The following HS3ST4 variants were observed in gnomAD, a reference collection of about 807,000 sequenced individuals.
The protein encoded by HS3ST4 is heparan sulfate-glucosamine 3-sulfotransferase 4.
HS3ST4 carries 17 observed loss-of-function variants against 29.2 expected under a neutral mutation model. The ratio of observed to expected loss-of-function variants is 0.58; its 90% CI spans 0.40 to 0.87. The LOEUF is 0.87. Among genes scored for constraint, HS3ST4 ranks in the 40% least tolerant of loss-of-function variants. The pLI is 0.00. For synonymous variants in HS3ST4, 314 were observed against 285.7 expected (o/e 1.10, Z -1.00); for missense variants, 627 against 634.5 (o/e 0.99, Z 0.13).
chr16:25,693,597 G>C (rs1966273012), intron 1 of HS3ST4, among the ~76,000 whole-genome samples: 1 of 152,174 alleles, frequency 6.6e-6, no homozygotes, highest in Non-Finnish European at 1.5e-5. Context: ...ACCCTCAAAC[G>C]CATTTGCGTG....
chr16:25,911,496 G>GTTT (rs542274531), intron 1 of HS3ST4, among the ~76,000 whole-genome samples: 5 of 82,000 alleles, frequency 6.1e-5, no homozygotes, highest in African/African-American at 1.4e-4. Flanking sequence ...CCGTTGTGTG[G>GTTT]TTTTTTTTTT....
intron 1 of HS3ST4, among the ~76,000 whole-genome samples, chr16:25,948,911 C>A (rs750294600): frequency 2.4e-4 from 37 of 152,104 alleles, no homozygotes; most frequent in Non-Finnish European, 4.6e-4. Flanking sequence ...TAATATCTTG[C>A]CAATTCATAA....
chr16:25,930,752 A>G (rs1480912840), intron 1 of HS3ST4, among the ~76,000 whole-genome samples: 2 of 152,134 alleles, frequency 1.3e-5, no homozygotes, highest in Non-Finnish European at 2.9e-5. Context: ...CTCCAGATTT[A>G]TGTCCTACCG....
intron 1 of HS3ST4, among the ~76,000 whole-genome samples, chr16:25,952,463 A>G (rs1319720852): frequency 6.6e-6 from 1 of 152,082 alleles, no homozygotes; most frequent in African/African-American, 2.4e-5. Context: ...ATTGGACAAG[A>G]TCTTCTCTTA....
chr16:25,893,829 C>A (rs1289766378), intron 1 of HS3ST4, among the ~76,000 whole-genome samples: 3 of 152,192 alleles, frequency 2.0e-5, no homozygotes, highest in Non-Finnish European at 4.4e-5. Flanking sequence ...GCAATAATAT[C>A]CCTGAACTGT....
chr16:25,921,142 C>G (rs1460340251), intron 1 of HS3ST4, among the ~76,000 whole-genome samples: 1 of 152,150 alleles, frequency 6.6e-6, no homozygotes, highest in African/African-American at 2.4e-5. Flanking sequence ...ACTACCTTGT[C>G]TGTAGTGCCC....
intron 1 of HS3ST4, among the ~76,000 whole-genome samples, chr16:25,757,479 C>T (rs185403847): frequency 6.6e-6 from 1 of 151,800 alleles, no homozygotes; most frequent in East Asian, 1.9e-4. Context: ...CTATAGGCAT[C>T]ATTTTTCCAG....
intron 1 of HS3ST4, among the ~76,000 whole-genome samples, chr16:25,764,007 C>A (rs1346581704): frequency 1.3e-5 from 2 of 151,924 alleles, no homozygotes; most frequent in African/African-American, 4.8e-5. Flanking sequence ...TGGATGAATT[C>A]AAAAAATGGA....
chr16:25,916,924 C>T (rs1968299207), intron 1 of HS3ST4, among the ~76,000 whole-genome samples: 1 of 151,964 alleles, frequency 6.6e-6, no homozygotes, highest in Admixed American at 6.6e-5. Context: ...TGTGATCCAC[C>T]CGTCTCGGCC....
chr16:25,692,841 A>C lies in HS3ST4; in HGVS notation c.424A>C (p.Thr142Pro). The C allele has an allele frequency of 1.4e-6, 2 of 1,418,372 alleles. No individual in the cohort carries two copies. Among genetic ancestry groups the C allele is most frequent in the Non-Finnish European group, 1.8e-6 (2 of 1,090,686 alleles). 87.9% of individuals were successfully genotyped at this position (1,418,372 alleles called of 1,614,324 possible). A position where few individuals can be genotyped will look rare whatever the true frequency, so the allele number is the denominator to read the frequency against. Residue 142 changes from threonine to proline, a missense_variant, in exon 1 of 2, where the codon ACC becomes CCC. Physicochemically the swap from Thr to Pro is conservative, Grantham distance 38 (BLOSUM62 -1). This residue lies in a region of HS3ST4 where 402 missense variants were observed against 340.8 expected (regional missense o/e 1.18). Coordinates refer to ENST00000331351, the MANE Select transcript of HS3ST4 (RefSeq NM_006040.3). The stretch of plus-strand genomic sequence containing the variant: ...AGGCGCCCAGGACGCCTGGCTCCGG[A>C]CCCCGCTGGCCCCCAGCGAGATGAT... ...GGGAQDAWLR[T>P]PLAPSEMITA...
intron 1 of HS3ST4, among the ~76,000 whole-genome samples, chr16:25,909,563 T>G (rs551547147): frequency 1.2e-4 from 18 of 152,270 alleles, no homozygotes; most frequent in African/African-American, 3.9e-4. Context: ...TCCAAAGAGA[T>G]ACAGTTGGGA....
At chr16:25,857,636 T>A (rs932399546) in intron 1 of HS3ST4, among the ~76,000 whole-genome samples, 2 of 152,174 alleles carry the variant, frequency 1.3e-5, no homozygotes, top group African/African-American at 4.8e-5. Context: ...GGGCTTTCTA[T>A]TGTGTCTTAA....
chr16:25,939,363 G>A (rs934298526), intron 1 of HS3ST4, among the ~76,000 whole-genome samples: 1 of 149,982 alleles, frequency 6.7e-6, no homozygotes, highest in Non-Finnish European at 1.5e-5. Context: ...TTGAGACAGA[G>A]TTTCACTCTT....
intron 1 of HS3ST4, among the ~76,000 whole-genome samples, chr16:26,096,961 C>A (rs1439680983): frequency 1.3e-5 from 2 of 152,162 alleles, no homozygotes; most frequent in African/African-American, 2.4e-5. Flanking sequence ...AGAGCCAAAT[C>A]ATGAGTGAAC....
At chr16:25,714,630 C>G (rs532433583) in intron 1 of HS3ST4, among the ~76,000 whole-genome samples, 1 of 152,208 alleles carries the variant, frequency 6.6e-6, no homozygotes, top group Non-Finnish European at 1.5e-5. Flanking sequence ...TCTGTTTTGT[C>G]TCCTTGTTTG....
intron 1 of HS3ST4, among the ~76,000 whole-genome samples, chr16:25,812,056 C>T (rs947367524): frequency 1.2e-4 from 18 of 152,038 alleles, no homozygotes; most frequent in South Asian, 2.1e-4. Context: ...TTTCTTTATG[C>T]GGTCTACTGT....
intron 1 of HS3ST4, chr16:25,825,613 T>C (rs1358803561): frequency 6.6e-6 from 1 of 152,196 alleles, no homozygotes; most frequent in Non-Finnish European, 1.5e-5. Context: ...TCCAGAATTT[T>C]TGGTCTTTTG....
intron 1 of HS3ST4, 96 bp downstream of exon 1, chr16:25,693,247 T>G: frequency 7.5e-7 from 1 of 1,330,064 alleles, no homozygotes; most frequent in Non-Finnish European, 1.0e-6. Context: ...CCAGGCACCG[T>G]CCCGAGAGGC....
chr16:25,756,326 G>T (rs1238873354), intron 1 of HS3ST4, among the ~76,000 whole-genome samples: 1 of 152,150 alleles, frequency 6.6e-6, no homozygotes, highest in Non-Finnish European at 1.5e-5. Context: ...AATCACTCTG[G>T]TGGCAGTGAG....
Sources: gnomAD v4.1 joint callset for allele counts (sites outside exome capture counted in the v4.1 genomes callset) on GRCh38, gnomAD v4.1.1 for gene constraint, gnomAD v4.1.1 regional missense constraint, MANE v1.5 for transcripts, NCBI Gene and HGNC (gene_info 2026-07-23, HGNC 2026-07-21) for gene names.